The following XXYLT1 variants were observed in gnomAD, a reference collection of about 807,000 sequenced individuals.
XXYLT1 encodes the protein UDP-xylose:alpha-xyloside alpha-1,3-xylosyltransferase.
In XXYLT1, 20 loss-of-function variants were observed where a neutral mutation model predicts 28.9. The ratio of observed to expected loss-of-function variants is 0.69; its 90% CI spans 0.49 to 1.00. The LOEUF (loss-of-function observed/expected upper bound fraction) is 1.00, where lower values mean the gene tolerates loss of function less well. Ranked by LOEUF, XXYLT1 falls within the 50% of genes least tolerant of loss-of-function variation. The pLI is 0.00. For synonymous variants in XXYLT1, 257 were observed against 253.8 expected (o/e 1.01, Z -0.12); for missense variants, 542 against 560.1 (o/e 0.97, Z 0.33).
chr3:195,259,791 C>T (rs1725615591), intron 1 of XXYLT1, among the ~76,000 whole-genome samples: 2 of 152,252 alleles, frequency 1.3e-5, no homozygotes, highest in Admixed American at 6.5e-5. Flanking sequence ...AGGGGCCACC[C>T]CCACCACGCG....
chr3:195,104,673 G>C (rs79920693), intron 3 of XXYLT1, among the ~76,000 whole-genome samples: 4,476 of 152,246 alleles, frequency 0.029, 112 homozygotes, highest in Middle Eastern at 0.11. Flanking sequence ...CTGGAGAAAA[G>C]GCAGGCCTAG....
chr3:195,093,812 G>A (rs1355013585), intron 3 of XXYLT1: 6 of 152,342 alleles, frequency 3.9e-5, no homozygotes, highest in East Asian at 1.9e-4. Context: ...CCTTTCTTCT[G>A]GAATTATCTG....
chr3:195,234,523 T>C (rs1373228776), intron 1 of XXYLT1, among the ~76,000 whole-genome samples: 1 of 151,720 alleles, frequency 6.6e-6, no homozygotes, highest in African/African-American at 2.4e-5. Flanking sequence ...TTCACCATCT[T>C]GGCCAGGCTG....
rs1383980917 is a variant in XXYLT1, at chr3:195,129,774, A to G, written c.785+26675T>C. Among the ~76,000 whole-genome samples, 1 of 152,020 alleles carries G rather than the reference A, an allele frequency of 6.6e-6. No homozygotes were observed. The highest frequency in any genetic ancestry group is 1.5e-5 in the Non-Finnish European group (1 of 67,994). ...GCTATTATGACTCATGCTGATACGA[A>G]CGTCCATTTGCATGTTAGTGTGTGG... On this transcript the variant is annotated intron_variant, in intron 3 of 3. Coordinates refer to ENST00000310380, the MANE Select transcript of XXYLT1 (RefSeq NM_152531.5). This position sits in a 1 kb window ranked among gnomAD's most constrained non-coding sequence, Gnocchi z 4.4.
At chr3:195,174,898 G>A (rs1217524259) in intron 2 of XXYLT1, among the ~76,000 whole-genome samples, 3 of 152,014 alleles carry the variant, frequency 2.0e-5, no homozygotes, top group Non-Finnish European at 4.4e-5. Flanking sequence ...ACATGAGTGT[G>A]CCACCGTGCC....
chr3:195,136,884 C>T (rs992794847), intron 3 of XXYLT1, among the ~76,000 whole-genome samples: 17 of 152,228 alleles, frequency 1.1e-4, no homozygotes, highest in Admixed American at 8.5e-4. Flanking sequence ...TTGTTTTAGA[C>T]CATTTTTAGA....
chr3:195,098,347 A>C (rs1716568419), intron 3 of XXYLT1, among the ~76,000 whole-genome samples: 1 of 152,172 alleles, frequency 6.6e-6, no homozygotes, highest in Non-Finnish European at 1.5e-5. Flanking sequence ...AGGTCAGAAG[A>C]TCGAGACCAT....
intron 3 of XXYLT1, among the ~76,000 whole-genome samples, chr3:195,145,736 C>T (rs561653436): frequency 3.9e-5 from 6 of 152,386 alleles, no homozygotes; most frequent in South Asian, 2.1e-4. Flanking sequence ...CGTCTACAGA[C>T]GCAAGGACAC....
chr3:195,248,376 G>T (rs1387003516), intron 1 of XXYLT1, among the ~76,000 whole-genome samples: 1 of 152,194 alleles, frequency 6.6e-6, no homozygotes, highest in Non-Finnish European at 1.5e-5. Context: ...ACTGAATCGT[G>T]CGGGCAGGTC....
chr3:195,142,849 T>G (rs1232439096), intron 3 of XXYLT1, among the ~76,000 whole-genome samples: 1 of 152,180 alleles, frequency 6.6e-6, no homozygotes, highest in Non-Finnish European at 1.5e-5. Flanking sequence ...CCCAGGCTGC[T>G]CCCTTCCCTC....
chr3:195,162,203 G>C (rs1577095884), intron 2 of XXYLT1, among the ~76,000 whole-genome samples: 1 of 152,174 alleles, frequency 6.6e-6, no homozygotes, highest in East Asian at 1.9e-4. Flanking sequence ...CCGTCTGTTG[G>C]GCTCGACAGC....
rs1047117300 is a variant in XXYLT1, at chr3:195,133,253, A to T, written c.785+23196T>A. 3.3e-5 allele frequency among the ~76,000 whole-genome samples: 5 copies of T among 152,164 alleles called. No homozygotes were observed. Among genetic ancestry groups the T allele is most frequent in the Admixed American group, 6.5e-5 (1 of 15,270 alleles). On this transcript the variant is annotated intron_variant, in intron 3 of 3. Transcript: ENST00000310380. This position sits in a 1 kb window ranked among gnomAD's most constrained non-coding sequence, Gnocchi z 4.4. ...TGGCTGCAAGTCCCAACGCTCTGAT[A>T]AAAAAAGGAAAATTAATTTTTCCTG... is the stretch of plus-strand genomic sequence containing the variant.
chr3:195,189,364 C>G (rs774900011), intron 2 of XXYLT1, among the ~76,000 whole-genome samples: 1 of 152,130 alleles, frequency 6.6e-6, no homozygotes, highest in Non-Finnish European at 1.5e-5. Context: ...CAACAACAAC[C>G]ATTACAGGGA....
intron 2 of XXYLT1, among the ~76,000 whole-genome samples, chr3:195,162,187 G>A (rs977252015): frequency 6.6e-6 from 1 of 152,030 alleles, no homozygotes; most frequent in African/African-American, 2.4e-5. Flanking sequence ...GGTAGGGCTC[G>A]AAACCCCGTC....
rs75804919 is a variant in XXYLT1 at position 195,071,541 on chromosome 3, G to T, written c.786-1430C>A. Among the ~76,000 whole-genome samples, 1,403 of 152,258 alleles carry T rather than the reference G, an allele frequency of 9.2e-3. 26 individuals are homozygous for T. Among genetic ancestry groups the T allele is most frequent in the African/African-American group, 0.032 (1,317 of 41,536 alleles). ...ACATTCTTACAGGGGAATCCACAGG[G>T]CCACTGCTTGTGTTCTGCTGTGAGT... is the stretch of plus-strand genomic sequence containing the variant. On this transcript the variant is annotated intron_variant, in intron 3 of 3. Coordinates refer to ENST00000310380, the MANE Select transcript of XXYLT1 (RefSeq NM_152531.5).
Position 195,226,863 on chromosome 3 carries a change from C to G in XXYLT1, c.505-7G>C. 1 of 1,610,662 alleles carries G rather than the reference C, an allele frequency of 6.2e-7. No homozygotes were observed. The highest frequency in any genetic ancestry group is 1.3e-5 in the African/African-American group (1 of 74,688). Reference sequence around the variant, plus strand: ...CAACATCGTGGAAGATGACCTGCAGCAGGTGCAAAAAAAACCAAGGCTCAG... The same window carrying G: ...CAACATCGTGGAAGATGACCTGCAGGAGGTGCAAAAAAAACCAAGGCTCAG... On this transcript the variant is annotated splice_region_variant and splice_polypyrimidine_tract_variant and intron_variant, in intron 1 of 3. Coordinates refer to ENST00000310380, the MANE Select transcript of XXYLT1 (RefSeq NM_152531.5).
chr3:195,070,093 G>A lies in XXYLT1; in HGVS notation c.804C>T (p.Phe268=), dbSNP rs1251655663. The A allele has an allele frequency of 6.4e-7, 1 of 1,574,438 alleles. No homozygotes were observed. The highest frequency in any genetic ancestry group is 2.2e-5 in the East Asian group (1 of 44,690). The part of the protein sequence containing the change: ...QPVYRHTFWQ[F]RHENPQTRVG... ...CCCGGGTCTGGGGGTTCTCATGGCGGAACTGCCAGAATGTGTGCCTGTGGA... is the reference window on the plus strand; with the variant it reads ...CCCGGGTCTGGGGGTTCTCATGGCGAAACTGCCAGAATGTGTGCCTGTGGA... Residue 268 remains phenylalanine, a synonymous_variant, in exon 4 of 4, where the codon TTC becomes TTT. Transcript: ENST00000310380.
At chr3:195,192,328 G>A (rs1468397513) in intron 2 of XXYLT1, among the ~76,000 whole-genome samples, 1 of 151,918 alleles carries the variant, frequency 6.6e-6, no homozygotes, top group Non-Finnish European at 1.5e-5. Flanking sequence ...GGGAGGCCGA[G>A]GTTGTAGAAT....
intron 2 of XXYLT1, chr3:195,207,277 C>T (rs1723114303): frequency 2.9e-6 from 1 of 349,302 alleles, no homozygotes; most frequent in Non-Finnish European, 5.7e-6. Flanking sequence ...AGATGGAGGC[C>T]ACCAGGCCCG....
Sources: gnomAD v4.1 joint callset for allele counts (sites outside exome capture counted in the v4.1 genomes callset) on GRCh38, gnomAD v4.1.1 for gene constraint, Gnocchi (gnomAD v3.1) non-coding constraint, MANE v1.5 for transcripts, NCBI Gene and HGNC (gene_info 2026-07-23, HGNC 2026-07-21) for gene names.